The following SLC5A10 variants were observed in gnomAD, a reference collection of about 807,000 sequenced individuals.
The protein encoded by SLC5A10 is sodium/mannose cotransporter SLC5A10.
A neutral mutation model predicts 68.9 loss-of-function variants in SLC5A10; 55 were observed. The observed-to-expected ratio is 0.80, with a 90% CI of 0.64 to 1.00. SLC5A10 has a LOEUF of 1.00. SLC5A10 is among the 50% of genes least tolerant of loss of function. SLC5A10 has a pLI of 0.00. For missense variants in SLC5A10, 732 were observed against 819.3 expected (o/e 0.89, Z 1.30); for synonymous variants, 344 against 344.8 (o/e 1.00, Z 0.02).
chr17:18,961,583 C>T (rs987111194), intron 5 of SLC5A10, among the ~76,000 whole-genome samples: 2 of 152,178 alleles, frequency 1.3e-5, no homozygotes, highest in Admixed American at 1.3e-4. Flanking sequence ...CCTCCTGGGC[C>T]CTCTTCATTC....
Position 19,019,839 on chromosome 17 carries a change from T to G in SLC5A10, c.1537T>G (p.Tyr513Asp). Residue 513 changes from tyrosine to aspartate, a missense_variant, in exon 13 of 15, where the codon TAC (tyrosine) becomes GAC (aspartate). By Grantham distance (160) the Tyr-to-Asp change is radical. Coordinates refer to ENST00000395645, the MANE Select transcript of SLC5A10 (RefSeq NM_001042450.4). ...TRPAVLGSIHYLHFAVALFAL... is the reference protein window; with the variant it reads ...TRPAVLGSIHDLHFAVALFAL... ...GCCAGCCGTCCTGGGGAGCATCCACTACCTGCACTTCGCTGTCGCCCTCTT... is the reference window on the plus strand; with the variant it reads ...GCCAGCCGTCCTGGGGAGCATCCACGACCTGCACTTCGCTGTCGCCCTCTT... The G allele has an allele frequency of 6.2e-7, 1 of 1,613,736 alleles. No individual in the cohort carries two copies. Among genetic ancestry groups the G allele is most frequent in the Non-Finnish European group, 8.5e-7 (1 of 1,179,962 alleles).
intron 9 of SLC5A10, chr17:18,978,931 G>C: frequency 6.6e-7 from 1 of 1,506,776 alleles, no homozygotes; most frequent in Non-Finnish European, 9.0e-7. Flanking sequence ...TAGCCGCTGG[G>C]CCTCAGACTG....
At chr17:18,961,748 C>T (rs565514614) in intron 5 of SLC5A10, among the ~76,000 whole-genome samples, 1 of 152,230 alleles carries the variant, frequency 6.6e-6, no homozygotes, top group Admixed American at 6.5e-5. Flanking sequence ...AGAGCCCCCA[C>T]GGGGCCCCGG....
In SLC5A10 at chr17:18,955,013, A is replaced by G. The variant is rs374821087; in HGVS notation, c.111+2697A>G. Reference sequence around the variant, plus strand: ...AGGCAGGAGAATTGCTTGAAACCGGAAGGCGGAGGTCGCAATGAGCTGAGA... The same window carrying G: ...AGGCAGGAGAATTGCTTGAAACCGGGAGGCGGAGGTCGCAATGAGCTGAGA... On this transcript the variant is annotated intron_variant, in intron 1 of 14. Coordinates refer to ENST00000395645, the MANE Select transcript of SLC5A10 (RefSeq NM_001042450.4). 1.1e-4 allele frequency among the ~76,000 whole-genome samples: 17 copies of G among 150,892 alleles called. No individual in the cohort carries two copies. In the East Asian group the frequency reaches 3.4e-3, roughly 30 times the overall value.
intron 5 of SLC5A10, among the ~76,000 whole-genome samples, chr17:18,964,649 G>C (rs1250204132): frequency 6.6e-6 from 1 of 152,244 alleles, no homozygotes; most frequent in Non-Finnish European, 1.5e-5. Context: ...AGACAGGGCA[G>C]TCTGGGGTGG....
In SLC5A10 at chr17:18,968,863, G is replaced by C. The variant is rs1483463741; in HGVS notation, c.454-189G>C. On this transcript the variant is annotated intron_variant, in intron 5 of 14. Transcript: ENST00000395645. This position sits in a 1 kb window ranked among gnomAD's most constrained non-coding sequence, Gnocchi z 4.1. ...CCCCTGACATCCGCACAAGCTTGTA[G>C]CTCCACGGCCAGGTCTTCCCCCAAC... is the stretch of plus-strand genomic sequence containing the variant. 8 of 591,598 alleles carry C rather than the reference G, an allele frequency of 1.4e-5. No individual in the cohort carries two copies. The highest frequency in any genetic ancestry group is 8.4e-5 in the South Asian group (4 of 47,654). 36.6% of individuals were successfully genotyped at this position (591,598 alleles called of 1,614,324 possible).
intron 8 of SLC5A10, among the ~76,000 whole-genome samples, chr17:18,974,323 T>C (rs909435817): frequency 2.6e-5 from 4 of 152,236 alleles, no homozygotes; most frequent in African/African-American, 9.6e-5. Context: ...TTCACTATCT[T>C]CTGGCTCATC....
At position 18,979,428 on chromosome 17, in the gene SLC5A10, C is replaced by T. The variant is rs377235480; in HGVS notation, c.982+2439C>T. ...GGCGGGCAGATGTGCTCCAGCCCTGCGCACACCTCAGCAGCCTTGGGACCA... is the reference window on the plus strand; with the variant it reads ...GGCGGGCAGATGTGCTCCAGCCCTGTGCACACCTCAGCAGCCTTGGGACCA... On this transcript the variant is annotated intron_variant, in intron 9 of 14. Transcript: ENST00000395645. The T allele has an allele frequency of 7.6e-5, 95 of 1,250,388 alleles. No individual in the cohort carries two copies. The African/African-American group carries it at 1.0e-3, about 13-fold the overall frequency. 77.5% of individuals were successfully genotyped at this position (1,250,388 alleles called of 1,614,324 possible).
intron 9 of SLC5A10, among the ~76,000 whole-genome samples, chr17:19,001,320 C>T (rs976333886): frequency 2.6e-5 from 4 of 152,168 alleles, no homozygotes; most frequent in African/African-American, 9.7e-5. Context: ...CTTCTCTGTG[C>T]CTCAGTATCC....
At position 19,020,547 on chromosome 17, in the gene SLC5A10, TCG is replaced by T; in HGVS notation, c.*117_*118del. The T allele has an allele frequency of 1.2e-5, 12 of 982,752 alleles. No homozygotes were observed. The highest frequency in any genetic ancestry group is 1.6e-5 in the Non-Finnish European group (11 of 668,008). 60.9% of individuals were successfully genotyped at this position (982,752 alleles called of 1,614,324 possible). ...ATTCCCCTCACAGCTGCACAGCAGC[TCG>T]GTGCCCAAGAACTGGCCAAGCCAGC... On this transcript the variant is annotated 3_prime_UTR_variant, in exon 15 of 15. Transcript: ENST00000395645.
chr17:18,976,928 C>T lies in SLC5A10; in HGVS notation c.921C>T (p.Leu307=), dbSNP rs1368489422. The T allele has an allele frequency of 6.2e-7, 1 of 1,613,424 alleles. No individual in the cohort carries two copies. Among genetic ancestry groups the T allele is most frequent in the Non-Finnish European group, 8.5e-7 (1 of 1,179,808 alleles). Residue 307 remains leucine (L), a synonymous_variant, in exon 9 of 15, where the codon CTC becomes CTT. Transcript: ENST00000395645. ...AKAGSILASY[L]KMLPMGLIIM... ...CGGGCTCCATCCTGGCCAGCTACCT[C>T]AAGATGCTCCCCATGGGCCTGATCA...
At chr17:18,985,229 C>A (rs769369234) in intron 9 of SLC5A10, among the ~76,000 whole-genome samples, 1 of 152,214 alleles carries the variant, frequency 6.6e-6, no homozygotes, top group African/African-American at 2.4e-5. Flanking sequence ...AAACGGCCTC[C>A]TTCACTCTTC....
intron 9 of SLC5A10, among the ~76,000 whole-genome samples, chr17:18,991,029 C>A (rs946304023): frequency 4.6e-5 from 7 of 152,150 alleles, no homozygotes; most frequent in African/African-American, 1.7e-4. Flanking sequence ...TATAAGGAGC[C>A]TTTACAGCTG....
Position 19,022,320 on chromosome 17 carries a change from A to G in SLC5A10, c.*1889A>G, listed in dbSNP as rs1350612165. 6.4e-6 allele frequency: 3 copies of G among 470,876 alleles called. No individual in the cohort carries two copies. Among genetic ancestry groups the G allele is most frequent in the East Asian group, 7.0e-5 (2 of 28,542 alleles). The allele number at this position is 470,876 out of a possible 1,614,324, so 29.2% of individuals were successfully genotyped here. ...GCCACCACTGGGCCTCCTGCTGCCC[A>G]CACCCCTGCCTGTCTGCTGTGCAGA... On this transcript the variant is annotated 3_prime_UTR_variant, in exon 15 of 15. Transcript: ENST00000395645.
At position 19,022,482 on chromosome 17, in the gene SLC5A10, C is replaced by T. The variant is rs114171855; in HGVS notation, c.*2051C>T. 2.1e-4 allele frequency: 56 copies of T among 263,166 alleles called. No individual in the cohort carries two copies. The highest frequency in any genetic ancestry group is 1.1e-3 in the African/African-American group (52 of 45,596). 16.3% of individuals were successfully genotyped at this position (263,166 alleles called of 1,614,324 possible). A position where few individuals can be genotyped will look rare whatever the true frequency, so the allele number is the denominator to read the frequency against. ...TGCTTCTCTTGGGATCTTATTTACC[C>T]GACTCTGCAGCAGCCATGGTAGCTT... On this transcript the variant is annotated 3_prime_UTR_variant, in exon 15 of 15. Coordinates refer to ENST00000395645, the MANE Select transcript of SLC5A10 (RefSeq NM_001042450.4).
intron 1 of SLC5A10, among the ~76,000 whole-genome samples, chr17:18,958,053 C>T (rs1025050845): frequency 6.6e-6 from 1 of 152,216 alleles, no homozygotes; most frequent in Non-Finnish European, 1.5e-5. Context: ...GGGCATGCAT[C>T]AGAGCTTCAT....
intron 5 of SLC5A10, among the ~76,000 whole-genome samples, chr17:18,966,108 G>A (rs1306078205): frequency 6.6e-6 from 1 of 152,344 alleles, no homozygotes; most frequent in South Asian, 2.1e-4. Context: ...CACTGGCAGG[G>A]TTTCTGGGTA....
At position 18,973,029 on chromosome 17, in the gene SLC5A10, G is replaced by A. The variant is rs563135689; in HGVS notation, c.846+1811G>A. ...TGCCCACATCCGCCATGCCTCATGG[G>A]AGGGCTTTCCAGGGAACATGTGGGC... On this transcript the variant is annotated intron_variant, in intron 8 of 14. Coordinates refer to ENST00000395645, the MANE Select transcript of SLC5A10 (RefSeq NM_001042450.4). 1.6e-4 allele frequency among the ~76,000 whole-genome samples: 24 copies of A among 152,338 alleles called. No individual in the cohort carries two copies. The East Asian group carries it at 3.5e-3, about 22-fold the overall frequency.
At chr17:18,957,501 G>A (rs1387960896) in intron 1 of SLC5A10, among the ~76,000 whole-genome samples, 3 of 152,034 alleles carry the variant, frequency 2.0e-5, no homozygotes, top group Admixed American at 6.6e-5. Flanking sequence ...ACGGAGCCTT[G>A]CTCTGTCACC....
Sources: gnomAD v4.1 joint callset for allele counts (sites outside exome capture counted in the v4.1 genomes callset) on GRCh38, gnomAD v4.1.1 for gene constraint, Gnocchi (gnomAD v3.1) non-coding constraint, MANE v1.5 for transcripts, NCBI Gene and HGNC (gene_info 2026-07-23, HGNC 2026-07-21) for gene names.